The following TMEM87A variants were observed in gnomAD, a reference collection of about 807,000 sequenced individuals.
TMEM87A encodes the protein Golgi-pH regulating cation channel.
TMEM87A carries 50 observed loss-of-function variants against 90.0 expected under a neutral mutation model. The ratio of observed to expected loss-of-function variants is 0.56; its 90% CI spans 0.44 to 0.70. The LOEUF is 0.70. Among genes scored for constraint, TMEM87A ranks in the 30% least tolerant of loss-of-function variants. TMEM87A has a pLI of 0.00. For missense variants in TMEM87A, 577 were observed against 660.5 expected (o/e 0.87, Z 1.39); for synonymous variants, 226 against 226.7 (o/e 1.00, Z 0.03).
chr15:42,264,667 C>G (rs1595748359), intron 3 of TMEM87A, among the ~76,000 whole-genome samples: 1 of 123,618 alleles, frequency 8.1e-6, no homozygotes, highest in African/African-American at 3.0e-5. Flanking sequence ...CAACTCAGAA[C>G]TATATATATG....
chr15:42,236,075 G>T (rs1384705123), intron 10 of TMEM87A, among the ~76,000 whole-genome samples: 1 of 152,208 alleles, frequency 6.6e-6, no homozygotes, highest in African/African-American at 2.4e-5. Context: ...GGATTTGGAA[G>T]TATGGAATAC....
chr15:42,231,768 T>C, intron 11 of TMEM87A: 1 of 601,076 alleles, frequency 1.7e-6, no homozygotes, highest in Non-Finnish European at 2.3e-6. Context: ...ATGCTGCATG[T>C]TTCCAGGAGT....
chr15:42,242,165 A>G (rs1446614379), intron 7 of TMEM87A, among the ~76,000 whole-genome samples: 1 of 152,190 alleles, frequency 6.6e-6, no homozygotes, highest in African/African-American at 2.4e-5. Context: ...CAGAAACTCA[A>G]AACAGTGCAC....
chr15:42,273,049 G>A (rs2051578282), intron 1 of TMEM87A: 4 of 683,040 alleles, frequency 5.9e-6, no homozygotes, highest in Non-Finnish European at 1.0e-5. Context: ...TGCTGAAGTG[G>A]CCCTTACATT....
chr15:42,218,326 T>A lies in TMEM87A; in HGVS notation c.1592A>T (p.Asp531Val), dbSNP rs201455450. ...TGGTAATCATTCAAAAACTTACACATCTGTCACAGAAGAAGGAACATTCTC... is the reference window on the plus strand; with the variant it reads ...TGGTAATCATTCAAAAACTTACACAACTGTCACAGAAGAAGGAACATTCTC... ...VEENVPSSVT[D>V]VALPALLDSD... Residue 531 changes from aspartate (D) to valine (V), a missense_variant, in exon 18 of 20, where the codon GAT (aspartate) becomes GTT (valine). Transcript: ENST00000389834. 6.2e-7 allele frequency: 1 copy of A among 1,613,738 alleles called. No homozygotes were observed. The highest frequency in any genetic ancestry group is 8.5e-7 in the Non-Finnish European group (1 of 1,179,770).
At chr15:42,222,148 C>G (rs1348389309) in intron 15 of TMEM87A, among the ~76,000 whole-genome samples, 1 of 152,164 alleles carries the variant, frequency 6.6e-6, no homozygotes, top group Non-Finnish European at 1.5e-5. Context: ...GCAACCTCCC[C>G]CTCCTGGGGT....
intron 3 of TMEM87A, among the ~76,000 whole-genome samples, chr15:42,264,699 A>ATATATATTTATTTT (rs10681614): frequency 9.1e-6 from 1 of 109,424 alleles, no homozygotes; most frequent in Non-Finnish European, 1.9e-5. Context: ...ATATATATAT[A>ATATATATTTATTTT]TTTTTTTTTT....
intron 7 of TMEM87A, 23 bp downstream of exon 7, chr15:42,244,027 A>G (rs2050923388): frequency 2.1e-6 from 3 of 1,407,904 alleles, no homozygotes; most frequent in South Asian, 1.3e-5. Context: ...TAACATAACC[A>G]TTAAAAAAAA....
At chr15:42,230,372 C>T (rs2050666996) in intron 12 of TMEM87A, among the ~76,000 whole-genome samples, 1 of 152,204 alleles carries the variant, frequency 6.6e-6, no homozygotes, top group Non-Finnish European at 1.5e-5. Context: ...CACTCAAATT[C>T]ACAAAACAAT....
chr15:42,232,299 G>A (rs1049341052), intron 11 of TMEM87A, among the ~76,000 whole-genome samples: 9 of 151,960 alleles, frequency 5.9e-5, no homozygotes, highest in African/African-American at 1.9e-4. Flanking sequence ...ATGGCTCACC[G>A]CAGCCTGAAC....
chr15:42,256,394 G>C (rs2140971906), intron 6 of TMEM87A, among the ~76,000 whole-genome samples: 1 of 152,262 alleles, frequency 6.6e-6, no homozygotes, highest in East Asian at 1.9e-4. Context: ...CCCACCTTGG[G>C]CCTTAAAAAG....
intron 3 of TMEM87A, among the ~76,000 whole-genome samples, chr15:42,264,701 T>TATATATA (rs1566941898): frequency 1.6e-3 from 20 of 12,490 alleles, no homozygotes; most frequent in African/African-American, 2.3e-3. Context: ...ATATATATAT[T>TATATATA]TTTTTTTTAA....
At chr15:42,236,131 T>C (rs1297919975) in intron 10 of TMEM87A, among the ~76,000 whole-genome samples, 189 bp downstream of exon 10, 1 of 152,118 alleles carries the variant, frequency 6.6e-6, no homozygotes, top group African/African-American at 2.4e-5. Context: ...ATGGAATATA[T>C]TTGGAAGTAT....
intron 6 of TMEM87A, among the ~76,000 whole-genome samples, chr15:42,248,531 T>C (rs1261768385): frequency 1.3e-5 from 2 of 152,202 alleles, no homozygotes; most frequent in Non-Finnish European, 2.9e-5. Flanking sequence ...TTGGCATCTA[T>C]TGAGATAATC....
chr15:42,215,780 T>C (rs773314088), intron 19 of TMEM87A, among the ~76,000 whole-genome samples: 26 of 152,188 alleles, frequency 1.7e-4, no homozygotes, highest in Non-Finnish European at 3.1e-4. Flanking sequence ...CCCTGTGCAT[T>C]GCTGGTGGAA....
intron 6 of TMEM87A, among the ~76,000 whole-genome samples, chr15:42,247,644 A>G (rs1193224868): frequency 5.3e-5 from 8 of 152,040 alleles, no homozygotes; most frequent in Admixed American, 2.6e-4. Context: ...CCATTGGTCT[A>G]TATGTCTGTT....
At chr15:42,227,583 C>T (rs957149525) in intron 14 of TMEM87A, 128 bp downstream of exon 14, 32 of 722,298 alleles carry the variant, frequency 4.4e-5, no homozygotes, top group Non-Finnish European at 7.4e-5. Context: ...AGTATCACAA[C>T]CCTCAGAGTA....
At chr15:42,268,529 T>C (rs2051450085) in intron 2 of TMEM87A, among the ~76,000 whole-genome samples, 1 of 152,052 alleles carries the variant, frequency 6.6e-6, no homozygotes, top group Non-Finnish European at 1.5e-5. Flanking sequence ...AAGCTAGGCG[T>C]GGTGGTACAT....
intron 7 of TMEM87A, among the ~76,000 whole-genome samples, chr15:42,242,881 T>C (rs1172128216): frequency 2.0e-5 from 3 of 152,144 alleles, no homozygotes; most frequent in African/African-American, 7.2e-5. Flanking sequence ...CAGTACTTAA[T>C]GGTGAAATAT....
Sources: gnomAD v4.1 joint callset for allele counts (sites outside exome capture counted in the v4.1 genomes callset) on GRCh38, gnomAD v4.1.1 for gene constraint, MANE v1.5 for transcripts, NCBI Gene and HGNC (gene_info 2026-07-23, HGNC 2026-07-21) for gene names.